Variants in FGF6 observed in about 807,000 individuals in gnomAD.
FGF6 encodes FGF-6.
A neutral mutation model predicts 18.4 loss-of-function variants in FGF6; 14 were observed. That is an observed-to-expected ratio of 0.76 (90% CI 0.50 to 1.19). The LOEUF is 1.19. FGF6 is among the 50% of genes most tolerant of loss of function. The probability of loss-of-function intolerance (pLI) is 0.00; values close to 1 mark genes in which losing one functional copy is unlikely to be tolerated. For synonymous variants in FGF6, 125 were observed against 116.7 expected, an observed-to-expected ratio of 1.07 and a Z score of -0.46; for missense variants, 266 against 271.6, an observed-to-expected ratio of 0.98 and a Z score of 0.15.
At chr12:4,435,196 G>A (rs932458783) in intron 2 of FGF6, among the ~76,000 whole-genome samples, 9 of 152,084 alleles carry the variant, frequency 5.9e-5, no homozygotes, top group Non-Finnish European at 1.0e-4. Flanking sequence ...ATACCCGTGC[G>A]GGACCTGGGC....
chr12:4,445,664 T>C lies in FGF6; in HGVS notation c.-94A>G. 9.5e-7 allele frequency: 1 copy of C among 1,055,022 alleles called. No individual in the cohort carries two copies. Among genetic ancestry groups the C allele is most frequent in the Non-Finnish European group, 1.3e-6 (1 of 748,916 alleles). 65.4% of individuals were successfully genotyped at this position (1,055,022 alleles called of 1,614,324 possible). On this transcript the variant is annotated 5_prime_UTR_variant, in exon 1 of 3. Transcript: ENST00000228837. This position sits in a 1 kb window ranked among gnomAD's most constrained non-coding sequence, Gnocchi z 5.5. ...CCTCCGGCATGGCGGCAGGGGCTTA[T>C]TTTTGGAAGGCAGATGAAGGCTGCT... is the stretch of plus-strand genomic sequence containing the variant.
At chr12:4,443,965 C>A (rs1373955354) in intron 2 of FGF6, among the ~76,000 whole-genome samples, 168 bp downstream of exon 2, 1 of 152,214 alleles carries the variant, frequency 6.6e-6, no homozygotes, top group East Asian at 1.9e-4. Flanking sequence ...ACCCGTGAGG[C>A]TGAAGAAGCA....
intron 2 of FGF6, 72 bp from the exon 3 acceptor site, chr12:4,434,463 CAG>C: frequency 7.5e-6 from 11 of 1,464,762 alleles, no homozygotes; most frequent in Non-Finnish European, 8.6e-6. Context: ...AGCTGGGCCG[CAG>C]AGAGTAGGCC....
At position 4,445,331 on chromosome 12, in the gene FGF6, C is replaced by T; in HGVS notation, c.240G>A (p.Val80=). 1.2e-6 allele frequency: 2 copies of T among 1,614,110 alleles called. No homozygotes were observed. The highest frequency in any genetic ancestry group is 1.7e-6 in the Non-Finnish European group (2 of 1,180,038). ...AGVNWESGYL[V]GIKRQRRLYC... ...AGAGCCTCCGCTGCCGCTTGATCCC[C>T]ACCAAATAGCCACTTTCCCAGTTCA... The change falls in exon 1 of 3, where the codon GTG becomes GTA. Residue 80 remains valine, a synonymous_variant. Transcript: ENST00000228837. The surrounding 1 kb of genome is among the most constrained non-coding windows in gnomAD (Gnocchi z 5.5).
chr12:4,436,644 C>T (rs1172875095), intron 2 of FGF6, among the ~76,000 whole-genome samples: 1 of 152,052 alleles, frequency 6.6e-6, no homozygotes, highest in African/African-American at 2.4e-5. Context: ...TAAATAAGGA[C>T]AGCACAGAAA....
chr12:4,445,264 C>T lies in FGF6; in HGVS notation c.307G>A (p.Asp103Asn), dbSNP rs758292506. The T allele has an allele frequency of 1.5e-5, 24 of 1,613,612 alleles. No homozygotes were observed. The Admixed American group carries it at 2.0e-4, about 13-fold the overall frequency. ...GIGFHLQVLP[D>N]GRISGTHEEN... ...TCGTGGGTCCCGCTGATCCGGCCGT[C>T]GGGGAGCACCTGGAGGTGAAAGCCG... is the stretch of plus-strand genomic sequence containing the variant. The change falls in exon 1 of 3, where the codon GAC (aspartate) becomes AAC (asparagine). Residue 103 changes from aspartate (D) to asparagine (N), a missense_variant. Coordinates refer to ENST00000228837, the MANE Select transcript of FGF6 (RefSeq NM_020996.3). The surrounding 1 kb of genome is among the most constrained non-coding windows in gnomAD (Gnocchi z 5.5).
At chr12:4,443,887 G>C (rs561244101) in intron 2 of FGF6, among the ~76,000 whole-genome samples, 1 of 152,276 alleles carries the variant, frequency 6.6e-6, no homozygotes, top group East Asian at 1.9e-4. Flanking sequence ...TGTGGTTTCC[G>C]TTTAAGCACA....
In FGF6 at chr12:4,445,511, G is replaced by T. The variant is rs1469129420; in HGVS notation, c.60C>A (p.Gly20=). ...CTAGGAAGACGAGAGCCCACAGCGT[G>T]CCCTGCAGACGTCCTGCTCCCCGGG... ...TMSRGAGRLQ[G]TLWALVFLGI... is the part of the protein sequence containing the mutation. Residue 20 remains glycine (G), a synonymous_variant, in exon 1 of 3, where the codon GGC becomes GGA. Transcript: ENST00000228837. This position sits in a 1 kb window ranked among gnomAD's most constrained non-coding sequence, Gnocchi z 5.5. 6.2e-7 allele frequency: 1 copy of T among 1,612,534 alleles called. No individual in the cohort carries two copies. The highest frequency in any genetic ancestry group is 1.3e-5 in the African/African-American group (1 of 75,058).
intron 2 of FGF6, among the ~76,000 whole-genome samples, chr12:4,435,914 T>C (rs1865622863): frequency 1.3e-5 from 2 of 152,034 alleles, no homozygotes; most frequent in African/African-American, 4.8e-5. Flanking sequence ...GGGTCGGGGC[T>C]AGAAGAACAG....
chr12:4,436,283 CTG>C (rs1459172821), intron 2 of FGF6, among the ~76,000 whole-genome samples: 1 of 152,140 alleles, frequency 6.6e-6, no homozygotes, highest in African/African-American at 2.4e-5. Flanking sequence ...GAGATGAGGA[CTG>C]TGTCTTGCTT....
intron 2 of FGF6, among the ~76,000 whole-genome samples, chr12:4,438,660 C>G (rs1176469358): frequency 3.6e-5 from 5 of 138,540 alleles, no homozygotes; most frequent in African/African-American, 1.3e-4. Flanking sequence ...ACTTGGGAGG[C>G]TAAGGCAGGG....
chr12:4,438,960 T>C (rs964699162), intron 2 of FGF6, among the ~76,000 whole-genome samples: 1 of 152,180 alleles, frequency 6.6e-6, no homozygotes, highest in African/African-American at 2.4e-5. Flanking sequence ...TTAAAAAAGA[T>C]GATACCGGTG....
chr12:4,439,427 G>C (rs1203939562), intron 2 of FGF6, among the ~76,000 whole-genome samples: 1 of 152,168 alleles, frequency 6.6e-6, no homozygotes, highest in Non-Finnish European at 1.5e-5. Flanking sequence ...TCTTGAGGTG[G>C]AGGAAGGGGA....
At chr12:4,444,365 A>T in intron 1 of FGF6, 129 bp from the exon 2 acceptor site, 2 of 637,532 alleles carry the variant, frequency 3.1e-6, no homozygotes, top group South Asian at 1.9e-5. Flanking sequence ...CCCATCCATG[A>T]TCCCTCTAAC....
intron 2 of FGF6, among the ~76,000 whole-genome samples, chr12:4,434,599 C>T (rs558490466): frequency 6.6e-6 from 1 of 152,196 alleles, no homozygotes; most frequent in Non-Finnish European, 1.5e-5. Flanking sequence ...GGTTTCCTCT[C>T]ACCTTCCCTC....
At chr12:4,435,607 G>C (rs1865618932) in intron 2 of FGF6, among the ~76,000 whole-genome samples, 1 of 152,184 alleles carries the variant, frequency 6.6e-6, no homozygotes, top group African/African-American at 2.4e-5. Flanking sequence ...ATGGGGAAAA[G>C]GACCTGGTTC....
intron 2 of FGF6, 105 bp from the exon 3 acceptor site, chr12:4,434,496 C>G (rs975070752): frequency 9.3e-6 from 10 of 1,071,106 alleles, no homozygotes; most frequent in Middle Eastern, 5.9e-4. Flanking sequence ...GTGCCCTTCC[C>G]TTCTCTTTGT....
intron 2 of FGF6, among the ~76,000 whole-genome samples, chr12:4,434,844 C>T (rs925367214): frequency 6.6e-6 from 1 of 152,176 alleles, no homozygotes; most frequent in African/African-American, 2.4e-5. Context: ...GGTGCTATTT[C>T]GTGACTTTTC....
rs921245433 is a variant in FGF6, at chr12:4,445,806, G to A, written c.-236C>T. ...GCTCTCTAGCTCGCCCGCTTGCTCC[G>A]TCCCTAGTTGATGATATTTGATTTG... On this transcript the variant is annotated 5_prime_UTR_variant, in exon 1 of 3. In the 5' UTR this introduces an upstream ATG that the reference lacks. Transcript: ENST00000228837. The surrounding 1 kb of genome is among the most constrained non-coding windows in gnomAD (Gnocchi z 5.5). Among the ~76,000 whole-genome samples the A allele has an allele frequency of 6.6e-5, 10 of 152,112 alleles. No homozygotes were observed. The highest frequency in any genetic ancestry group is 2.4e-4 in the African/African-American group (10 of 41,394).
Sources: gnomAD v4.1 joint callset for allele counts (sites outside exome capture counted in the v4.1 genomes callset) on GRCh38, gnomAD v4.1.1 for gene constraint, Gnocchi (gnomAD v3.1) non-coding constraint, MANE v1.5 for transcripts, NCBI Gene and HGNC (gene_info 2026-07-23, HGNC 2026-07-21) for gene names.